RAB7A: variants seen among roughly 807,000 people sequenced by gnomAD.
RAB7A encodes RAB7A, member RAS oncogene family.
In RAB7A, 2 loss-of-function variants were observed where a neutral mutation model predicts 24.5. The ratio of observed to expected loss-of-function variants is 0.08; its 90% confidence interval spans 0.03 to 0.26. The LOEUF (loss-of-function observed/expected upper bound fraction) is 0.26, where lower values mean the gene tolerates loss of function less well. Ranked by LOEUF, RAB7A falls within the 10% of genes least tolerant of loss-of-function variation. The pLI is 1.00. For missense variants in RAB7A, 118 were observed against 255.7 expected, an observed-to-expected ratio of 0.46 and a Z score of 3.67; for synonymous variants, 100 against 95.9, an observed-to-expected ratio of 1.04 and a Z score of -0.25.
chr3:128,742,733 A>G (rs916367706), intron 1 of RAB7A, among the ~76,000 whole-genome samples: 4 of 152,196 alleles, frequency 2.6e-5, no homozygotes, highest in African/African-American at 9.7e-5. Flanking sequence ...TCCTTTAGCT[A>G]GACATAAAGG....
At chr3:128,757,909 T>G (rs114644070) in intron 1 of RAB7A, among the ~76,000 whole-genome samples, 6,243 of 152,270 alleles carry the variant, frequency 0.041, 221 homozygotes, top group African/African-American at 0.095. Context: ...TCTTCCTGCC[T>G]CAGCCTCCCA....
chr3:128,801,537 G>A (rs1434682057), intron 3 of RAB7A, among the ~76,000 whole-genome samples: 1 of 58,050 alleles, frequency 1.7e-5, no homozygotes, highest in East Asian at 3.0e-4. Context: ...GGGAAGAAAC[G>A]AAACAGTTAA....
Position 128,795,476 on chromosome 3 carries a change from T to C in RAB7A, c.53+56T>C, listed in dbSNP as rs1282076266. 2.7e-6 allele frequency: 4 copies of C among 1,497,210 alleles called. No homozygotes were observed. In the African/African-American group the frequency reaches 5.5e-5, roughly 21 times the overall value. The allele number at this position is 1,497,210 out of a possible 1,614,324, so 92.7% of individuals were successfully genotyped here. On this transcript the variant is annotated intron_variant, in intron 2 of 5. Coordinates refer to ENST00000265062, the MANE Select transcript of RAB7A (RefSeq NM_004637.6). ...TTGGCTTAGAGCTAAGCCTCTCTGC[T>C]GTGGAGCCCACACTGTCCGTGCTGC...
intron 1 of RAB7A, among the ~76,000 whole-genome samples, chr3:128,783,555 A>G (rs1255677189): frequency 6.6e-6 from 1 of 152,100 alleles, no homozygotes; most frequent in Non-Finnish European, 1.5e-5. Context: ...CTGTAAGGGT[A>G]GACTAGATAT....
chr3:128,804,106 C>T, intron 3 of RAB7A, among the ~76,000 whole-genome samples: 1 of 149,778 alleles, frequency 6.7e-6, no homozygotes, highest in East Asian at 1.9e-4. Context: ...GGCTAGGGAC[C>T]TCCCTGGGCC....
intron 2 of RAB7A, among the ~76,000 whole-genome samples, chr3:128,797,378 A>G (rs7642199): frequency 0.28 from 42,099 of 152,198 alleles, 7,482 homozygotes; most frequent in African/African-American, 0.5. Context: ...TTTTCTTACT[A>G]GAAAACATAT....
At chr3:128,747,121 T>C (rs1352579353) in intron 1 of RAB7A, among the ~76,000 whole-genome samples, 1 of 148,238 alleles carries the variant, frequency 6.7e-6, no homozygotes, top group East Asian at 2.0e-4. Flanking sequence ...CTGAGCAACA[T>C]AGCAATACTC....
chr3:128,745,957 C>T (rs949621794), intron 1 of RAB7A, among the ~76,000 whole-genome samples: 8 of 152,230 alleles, frequency 5.3e-5, no homozygotes, highest in African/African-American at 1.9e-4. Context: ...CCCCTGGCAC[C>T]TATTTAAGTC....
intron 1 of RAB7A, among the ~76,000 whole-genome samples, chr3:128,776,835 C>G (rs1933101314): frequency 6.6e-6 from 1 of 152,070 alleles, no homozygotes; most frequent in Non-Finnish European, 1.5e-5. Context: ...GGTGCCATTG[C>G]TCCACATCCT....
chr3:128,771,905 T>A (rs1272642286), intron 1 of RAB7A, among the ~76,000 whole-genome samples: 1 of 152,204 alleles, frequency 6.6e-6, no homozygotes, highest in East Asian at 1.9e-4. Flanking sequence ...CTCTTGTCAC[T>A]CCTTAAATTC....
intron 1 of RAB7A, among the ~76,000 whole-genome samples, chr3:128,792,411 T>C (rs1042960931): frequency 4.6e-5 from 7 of 152,218 alleles, no homozygotes; most frequent in African/African-American, 1.7e-4. Flanking sequence ...CTATTTTCTT[T>C]TTTTTTCCTT....
At chr3:128,754,119 AATC>A (rs548744013) in intron 1 of RAB7A, among the ~76,000 whole-genome samples, 392 of 152,334 alleles carry the variant, frequency 2.6e-3, no homozygotes, top group African/African-American at 9.0e-3. Context: ...ATGAAGATAT[AATC>A]ATGTCTGATA....
intron 1 of RAB7A, among the ~76,000 whole-genome samples, chr3:128,746,836 A>T (rs915054649): frequency 2.6e-5 from 4 of 151,500 alleles, no homozygotes; most frequent in African/African-American, 9.8e-5. Flanking sequence ...GCCGGGGTTC[A>T]ACTTTTTAAG....
In RAB7A at chr3:128,764,404, G is replaced by A. The variant is rs915203777; in HGVS notation, c.-8-30956G>A. The A allele has an allele frequency of 1.3e-4, 90 of 713,916 alleles. 1 individual carries two copies. The African/African-American group carries it at 1.4e-3, about 11-fold the overall frequency. 44.2% of individuals were successfully genotyped at this position (713,916 alleles called of 1,614,324 possible). A position where few individuals can be genotyped will look rare whatever the true frequency, so the allele number is the denominator to read the frequency against. On this transcript the variant is annotated intron_variant, in intron 1 of 5. Coordinates refer to ENST00000265062, the MANE Select transcript of RAB7A (RefSeq NM_004637.6). The stretch of plus-strand genomic sequence containing the variant: ...GAAAAGGTAAAGGAAATCCCAACAT[G>A]CATGCACTGCCTTAGTGACCAGGGA...
At chr3:128,798,201 C>G (rs1340157299) in intron 3 of RAB7A, 132 bp downstream of exon 3, 39 of 1,226,358 alleles carry the variant, frequency 3.2e-5, no homozygotes, top group Non-Finnish European at 4.2e-5. Context: ...TTGGCTGATA[C>G]TCAGTTAAAT....
At chr3:128,762,492 C>T (rs1484957278) in intron 1 of RAB7A, among the ~76,000 whole-genome samples, 1 of 152,094 alleles carries the variant, frequency 6.6e-6, no homozygotes, top group African/African-American at 2.4e-5. Context: ...CCCTACTTCC[C>T]ACCGTGACCC....
In RAB7A at chr3:128,746,819, C is replaced by T. The variant is rs1046170493; in HGVS notation, c.-9+20460C>T. Among the ~76,000 whole-genome samples, 9 of 151,582 alleles carry T rather than the reference C, an allele frequency of 5.9e-5. No homozygotes were observed. In the South Asian group the frequency reaches 8.3e-4, roughly 14 times the overall value. ...GCTGGGATTACAGGTGTGAGCCACC[C>T]GGCCCGGCCGGGGTTCAACTTTTTA... On this transcript the variant is annotated intron_variant, in intron 1 of 5. Coordinates refer to ENST00000265062, the MANE Select transcript of RAB7A (RefSeq NM_004637.6).
chr3:128,727,014 T>G (rs1199588191), intron 1 of RAB7A, among the ~76,000 whole-genome samples: 1 of 152,200 alleles, frequency 6.6e-6, no homozygotes, highest in African/African-American at 2.4e-5. Context: ...CGAGGAAAGA[T>G]GGTAGTTGGA....
chr3:128,770,743 T>C (rs1197185523), intron 1 of RAB7A, among the ~76,000 whole-genome samples: 1 of 152,166 alleles, frequency 6.6e-6, no homozygotes, highest in Non-Finnish European at 1.5e-5. Context: ...GTCAAATGAA[T>C]ATATAAAGAA....
Sources: allele counts gnomAD v4.1 joint callset (sites outside exome capture counted in the v4.1 genomes callset), GRCh38; gene constraint gnomAD v4.1.1; transcripts MANE v1.5; gene names NCBI Gene and HGNC (gene_info 2026-07-23, HGNC 2026-07-21).